PRKN: variants seen among roughly 807,000 people sequenced by gnomAD.
PRKN encodes the protein parkin RBR E3 ubiquitin protein ligase, also known as E3 ubiquitin-protein ligase parkin.
In PRKN, 56 loss-of-function variants were observed where a neutral mutation model predicts 59.5. That is an observed-to-expected ratio of 0.94 (90% CI 0.76 to 1.18). The LOEUF (loss-of-function observed/expected upper bound fraction) is 1.18. Among genes scored for constraint, PRKN ranks in the 50% most tolerant of loss-of-function variants. The probability of loss-of-function intolerance (pLI) is 0.00; values close to 1 mark genes in which losing one functional copy is unlikely to be tolerated. For synonymous variants in PRKN, 250 were observed against 222.1 expected (o/e 1.13, Z -1.12); for missense variants, 657 against 596.4 (o/e 1.10, Z -1.06).
At chr6:162,372,726 A>G (rs1421002993) in intron 2 of PRKN, among the ~76,000 whole-genome samples, 1 of 152,212 alleles carries the variant, frequency 6.6e-6, no homozygotes, top group Non-Finnish European at 1.5e-5. Context: ...TTGAAATTAT[A>G]AAAAATTGTA....
intron 2 of PRKN, among the ~76,000 whole-genome samples, chr6:162,321,963 C>T (rs569256003): frequency 6.6e-6 from 1 of 151,986 alleles, no homozygotes; most frequent in African/African-American, 2.4e-5. Context: ...AGTCTTACAA[C>T]TTCCACTCAA....
intron 9 of PRKN, among the ~76,000 whole-genome samples, chr6:161,514,546 G>C (rs1232046233): frequency 2.0e-5 from 3 of 152,130 alleles, no homozygotes; most frequent in Admixed American, 2.0e-4. Flanking sequence ...CGAGGGACAA[G>C]GTGACAAAAA....
At chr6:161,558,894 A>G (rs1440491881) in intron 8 of PRKN, among the ~76,000 whole-genome samples, 2 of 151,772 alleles carry the variant, frequency 1.3e-5, no homozygotes, top group Admixed American at 6.6e-5. Context: ...TTTCTTCTCT[A>G]TTCTGTTGCT....
intron 2 of PRKN, among the ~76,000 whole-genome samples, chr6:162,307,829 C>T (rs1365917306): frequency 6.6e-6 from 1 of 151,926 alleles, no homozygotes; most frequent in Non-Finnish European, 1.5e-5. Context: ...AAATGAAAAC[C>T]TTGTTCCTTT....
intron 2 of PRKN, among the ~76,000 whole-genome samples, chr6:162,383,213 A>T (rs185573378): frequency 6.6e-6 from 1 of 152,306 alleles, no homozygotes; most frequent in African/African-American, 2.4e-5. Flanking sequence ...ATTTCCAATT[A>T]ACTTTTCCCA....
intron 3 of PRKN, among the ~76,000 whole-genome samples, chr6:162,257,259 T>C (rs565228585): frequency 3.8e-4 from 58 of 152,090 alleles, no homozygotes; most frequent in African/African-American, 1.3e-3. Context: ...TTACCTGAGG[T>C]CAGTAGTTCC....
At chr6:162,019,059 C>G (rs1783034291) in intron 5 of PRKN, among the ~76,000 whole-genome samples, 1 of 152,172 alleles carries the variant, frequency 6.6e-6, no homozygotes, top group Non-Finnish European at 1.5e-5. Context: ...AGATGGTTTA[C>G]TGACTCATAC....
rs774681887 is a variant in PRKN, at chr6:161,518,577, CAA to C, written c.1083+30275_1083+30276del. 2.8e-4 allele frequency among the ~76,000 whole-genome samples: 42 copies of C among 152,244 alleles called. No individual in the cohort carries two copies. The highest frequency in any genetic ancestry group is 5.1e-4 in the Non-Finnish European group (35 of 67,998). On this transcript the variant is annotated intron_variant, in intron 9 of 11. Transcript: ENST00000366898. The surrounding 1 kb of genome is among the most constrained non-coding windows in gnomAD (Gnocchi z 5.0). ...CTTGCTGGGTTCCACCACCTTCTGG[CAA>C]AGAGCATTATTGGTTCAATGTTAAT...
chr6:162,018,220 G>A (rs1274890603), intron 5 of PRKN, among the ~76,000 whole-genome samples: 2 of 152,076 alleles, frequency 1.3e-5, no homozygotes, highest in Admixed American at 6.6e-5. Context: ...TAGAGATGGG[G>A]TTTCATCGTG....
rs75132369 is a variant in PRKN, at chr6:161,456,809, C to G, written c.1084-69932G>C. On this transcript the variant is annotated intron_variant, in intron 9 of 11. Transcript: ENST00000366898. This position sits in a 1 kb window ranked among gnomAD's most constrained non-coding sequence, Gnocchi z 4.8. ...TGACCCTTCCTCTTCCTCTTCCACC[C>G]ACATGCCCAGAGAGCTCAGGGCTTC... is the stretch of plus-strand genomic sequence containing the variant. Among the ~76,000 whole-genome samples the G allele has an allele frequency of 0.013, 1,958 of 152,258 alleles. 46 individuals are homozygous for G. The highest frequency in any genetic ancestry group is 0.044 in the African/African-American group (1,825 of 41,544).
Position 161,386,223 on chromosome 6 carries a change from TAATA to T in PRKN, c.1167+567_1167+570del, listed in dbSNP as rs1786232854. Among the ~76,000 whole-genome samples, 1 of 152,188 alleles carries T rather than the reference TAATA, an allele frequency of 6.6e-6. No individual in the cohort carries two copies. Among genetic ancestry groups the T allele is most frequent in the African/African-American group, 2.4e-5 (1 of 41,452 alleles). ...CCCTGAAGGTTTGGTTGATCCTAAT[TAATA>T]AATAAAATAAAATGCATTTGCACTT... On this transcript the variant is annotated intron_variant, in intron 10 of 11. Transcript: ENST00000366898. This position sits in a 1 kb window ranked among gnomAD's most constrained non-coding sequence, Gnocchi z 4.3.
chr6:162,566,647 C>G (rs1303608322), intron 1 of PRKN, among the ~76,000 whole-genome samples: 1 of 152,070 alleles, frequency 6.6e-6, no homozygotes, highest in East Asian at 1.9e-4. Flanking sequence ...AATAAAAAAT[C>G]TTCCAGTAAA....
Position 162,643,094 on chromosome 6 carries a change from CG to C in PRKN, c.7+84567del, listed in dbSNP as rs1778024642. On this transcript the variant is annotated intron_variant, in intron 1 of 11. Transcript: ENST00000366898. ...AGTTGACATAGACATAAAGACACCA[CG>C]GGTAATAAGAAAGAACAAGCAGCCG... Among the ~76,000 whole-genome samples the C allele has an allele frequency of 3.3e-5, 5 of 152,032 alleles. No individual in the cohort carries two copies. In the South Asian group the frequency reaches 1.0e-3, roughly 31 times the overall value.
At chr6:161,568,122 T>G (rs2115476633) in intron 8 of PRKN, among the ~76,000 whole-genome samples, 1 of 152,358 alleles carries the variant, frequency 6.6e-6, no homozygotes, top group South Asian at 2.1e-4. Context: ...TCTTATCCTC[T>G]CCTTACTAAT....
rs529648576 is a variant in PRKN at position 161,409,572 on chromosome 6, A to C, written c.1084-22695T>G. Among the ~76,000 whole-genome samples the C allele has an allele frequency of 6.6e-6, 1 of 152,322 alleles. No homozygotes were observed. Among genetic ancestry groups the C allele is most frequent in the South Asian group, 2.1e-4 (1 of 4,828 alleles). ...AGTGGTGTGCTTGCTGGATATTTTT[A>C]GATTGCCAGAATGTTCAGTGGAATC... is the stretch of plus-strand genomic sequence containing the variant. On this transcript the variant is annotated intron_variant, in intron 9 of 11. Transcript: ENST00000366898. This position sits in a 1 kb window ranked among gnomAD's most constrained non-coding sequence, Gnocchi z 4.6.
At chr6:162,529,895 C>A (rs1416927575) in intron 1 of PRKN, among the ~76,000 whole-genome samples, 2 of 152,048 alleles carry the variant, frequency 1.3e-5, no homozygotes, top group African/African-American at 4.8e-5. Context: ...TTTGGGAGGC[C>A]GAGGCAGGCA....
At chr6:162,692,055 T>C (rs767941643) in intron 1 of PRKN, among the ~76,000 whole-genome samples, 4 of 152,190 alleles carry the variant, frequency 2.6e-5, no homozygotes, top group Non-Finnish European at 5.9e-5. Flanking sequence ...TTGTCAATTT[T>C]GTCTTTTGTT....
chr6:162,284,286 G>A (rs930291268), intron 2 of PRKN, among the ~76,000 whole-genome samples: 6 of 136,506 alleles, frequency 4.4e-5, no homozygotes, highest in African/African-American at 1.1e-4. Context: ...GTGCAATGGC[G>A]CAATCTCGGC....
chr6:162,686,686 T>G (rs979985968), intron 1 of PRKN, among the ~76,000 whole-genome samples: 7 of 152,142 alleles, frequency 4.6e-5, no homozygotes. Flanking sequence ...TCAAGCTGGG[T>G]AAATCGCTTG....
Sources: gnomAD v4.1 joint callset for allele counts (sites outside exome capture counted in the v4.1 genomes callset) on GRCh38, gnomAD v4.1.1 for gene constraint, Gnocchi (gnomAD v3.1) non-coding constraint, MANE v1.5 for transcripts, NCBI Gene and HGNC (gene_info 2026-07-23, HGNC 2026-07-21) for gene names.